EVC: variants seen among roughly 807,000 people sequenced by gnomAD.
EVC encodes evC complex member EVC.
Under a neutral mutation model 118.9 loss-of-function variants are expected in EVC, and 116 were observed. The observed-to-expected ratio is 0.98, with a 90% CI of 0.84 to 1.14. EVC has a LOEUF of 1.14. EVC is among the 50% of genes most tolerant of loss of function. EVC has a pLI of 0.00. For missense variants in EVC, 1,401 were observed against 1,246.4 expected (o/e 1.12, Z -1.87); for synonymous variants, 619 against 534.7 (o/e 1.16, Z -2.18).
chr4:5,809,653 G>A (rs1560448078), intron 19 of EVC, 42 bp downstream of exon 19: 2 of 1,556,630 alleles, frequency 1.3e-6, no homozygotes, highest in Middle Eastern at 1.7e-4. Flanking sequence ...AGCACTCTGG[G>A]CTGAGAGATA....
intron 12 of EVC, 59 bp downstream of exon 12, chr4:5,783,823 C>T (rs1736018833): frequency 4.1e-6 from 6 of 1,472,550 alleles, no homozygotes; most frequent in East Asian, 2.5e-5. Context: ...CACGAAGAAG[C>T]GTGAGAGATC....
chr4:5,804,685 A>G (rs1560438744), intron 16 of EVC, 45 bp from the exon 17 acceptor site: 2 of 1,573,712 alleles, frequency 1.3e-6, no homozygotes, highest in South Asian at 2.2e-5. Flanking sequence ...GGCACAGTGG[A>G]TCCTCCAAAC....
intron 8 of EVC, among the ~76,000 whole-genome samples, chr4:5,748,847 T>C (rs1312934532): frequency 3.4e-5 from 3 of 88,082 alleles, no homozygotes; most frequent in African/African-American, 8.8e-5. Flanking sequence ...TCAGTATTAC[T>C]GGAGCATAGA....
At chr4:5,817,135 T>C (rs1717833426), downstream of EVC, among the ~76,000 whole-genome samples, 1 of 152,186 alleles carries the variant, frequency 6.6e-6, no homozygotes, top group African/African-American at 2.4e-5. Flanking sequence ...CAAGTGAACG[T>C]TGGGATACGG....
chr4:5,825,643 C>T, the EVC span: 1 of 1,612,024 alleles, frequency 6.2e-7, no homozygotes, highest in Non-Finnish European at 8.5e-7. The surrounding 1 kb of genome is among the most constrained non-coding windows in gnomAD (Gnocchi z 4.4). Context: ...CCTGGAAACC[C>T]CTTGCAATCC....
At chr4:5,808,140 T>G in intron 17 of EVC, 61 bp from the exon 18 acceptor site, 1 of 239,928 alleles carries the variant, frequency 4.2e-6, no homozygotes. Flanking sequence ...TCTCCCTCCC[T>G]CCCTCCCTCC....
rs918822802 is a variant in EVC, at chr4:5,746,476, C to A, written c.939+1135C>A. Among the ~76,000 whole-genome samples the A allele has an allele frequency of 6.6e-6, 1 of 152,186 alleles. No individual in the cohort carries two copies. Among genetic ancestry groups the A allele is most frequent in the Non-Finnish European group, 1.5e-5 (1 of 68,032 alleles). ...GCTCATGGGAGGGAGGGAGCCAATG[C>A]TCCTGTCCTCTGAATAGGTCCAATA... On this transcript the variant is annotated intron_variant, in intron 7 of 20. Transcript: ENST00000264956. The surrounding 1 kb of genome is among the most constrained non-coding windows in gnomAD (Gnocchi z 5.8).
At chr4:5,711,666 TC>T (rs1276727256) in intron 1 of EVC, 112 bp downstream of exon 1, 1 of 897,740 alleles carries the variant, frequency 1.1e-6, no homozygotes, top group Admixed American at 5.8e-5. Flanking sequence ...GTTGGGAACT[TC>T]GCACGCAACC....
chr4:5,801,521 A>T (rs550093855), intron 15 of EVC, among the ~76,000 whole-genome samples: 3 of 152,268 alleles, frequency 2.0e-5, no homozygotes, highest in Admixed American at 2.0e-4. Flanking sequence ...TCTACTAAAA[A>T]TACAAAAAAT....
At chr4:5,771,206 G>A (rs565987239) in intron 11 of EVC, among the ~76,000 whole-genome samples, 48 of 152,054 alleles carry the variant, frequency 3.2e-4, no homozygotes, top group African/African-American at 1.2e-3. Context: ...TTAAAATGAA[G>A]GTGTCAGCAG....
chr4:5,760,503 AC>A (rs1427811621), intron 11 of EVC, among the ~76,000 whole-genome samples: 1 of 152,086 alleles, frequency 6.6e-6, no homozygotes, highest in Non-Finnish European at 1.5e-5. Flanking sequence ...GTCGAGGGAC[AC>A]AGTGGAGATG....
In EVC at chr4:5,743,681, C is replaced by T. The variant is rs1728949985; in HGVS notation, c.802-1523C>T. Among the ~76,000 whole-genome samples the T allele has an allele frequency of 6.6e-6, 1 of 152,148 alleles. No homozygotes were observed. The highest frequency in any genetic ancestry group is 2.1e-4 in the South Asian group (1 of 4,826). On this transcript the variant is annotated intron_variant, in intron 6 of 20. Coordinates refer to ENST00000264956, the MANE Select transcript of EVC (RefSeq NM_153717.3). This position sits in a 1 kb window ranked among gnomAD's most constrained non-coding sequence, Gnocchi z 4.7. ...TGAGGAAGGATGACTCACTGCATCC[C>T]AGGAAGGAGGAAGGACATCATCATC...
intron 8 of EVC, 116 bp from the exon 9 acceptor site, chr4:5,752,720 C>T (rs1305547585): frequency 2.8e-6 from 3 of 1,058,182 alleles, no homozygotes; most frequent in Non-Finnish European, 4.4e-6. Flanking sequence ...GAGCTCCGCT[C>T]TCCCAGGCAG....
In EVC at chr4:5,797,086, C is replaced by T. The variant is rs1295814362; in HGVS notation, c.1951C>T (p.Leu651Phe). ...LLRSALRRLA[L>F]RGNALATLTQ... Reference sequence around the variant, plus strand: ...GCGCTCAGCCCTCCGGAGGCTGGCACTCCGCGGCAACGCCCTGGCCACCCT... The same window carrying T: ...GCGCTCAGCCCTCCGGAGGCTGGCATTCCGCGGCAACGCCCTGGCCACCCT... The change falls in exon 14 of 21, where the codon CTC (leucine) becomes TTC (phenylalanine). Residue 651 changes from leucine to phenylalanine, a missense_variant. Coordinates refer to ENST00000264956, the MANE Select transcript of EVC (RefSeq NM_153717.3). 2 of 1,613,408 alleles carry T rather than the reference C, an allele frequency of 1.2e-6. No individual in the cohort carries two copies. Among genetic ancestry groups the T allele is most frequent in the African/African-American group, 1.3e-5 (1 of 74,958 alleles).
chr4:5,792,195 C>T (rs1340371244), intron 12 of EVC, among the ~76,000 whole-genome samples: 3 of 152,136 alleles, frequency 2.0e-5, no homozygotes, highest in Admixed American at 2.0e-4. Context: ...TCCCATTAGT[C>T]ACAATAAATA....
downstream of EVC, among the ~76,000 whole-genome samples, chr4:5,815,645 T>G (rs1180229421): frequency 2.0e-5 from 3 of 152,174 alleles, no homozygotes; most frequent in Non-Finnish European, 2.9e-5. Context: ...TCCCTTGTGC[T>G]GTCCCCCAGA....
chr4:5,790,179 T>TA (rs1712495684), intron 12 of EVC, among the ~76,000 whole-genome samples: 1 of 25,464 alleles, frequency 3.9e-5, no homozygotes. Flanking sequence ...AGACTCCATC[T>TA]CAAAAAAAAA....
Position 5,793,696 on chromosome 4 carries a change from G to A in EVC, c.1865G>A (p.Arg622Gln), listed in dbSNP as rs767013073. 5.8e-5 allele frequency: 90 copies of A among 1,550,652 alleles called. No individual in the cohort carries two copies. Among genetic ancestry groups the A allele is most frequent in the African/African-American group, 1.2e-4 (9 of 73,144 alleles). The change falls in exon 13 of 21, where the codon CGA becomes CAA. Residue 622 changes from arginine (R) to glutamine (Q), a missense_variant. By Grantham distance (43) the Arg-to-Gln change is conservative (BLOSUM62 1). Transcript: ENST00000264956. ...GGCACCATCCGCGGCGTCTTGGGCC[G>A]ACTGGGCGGCCTCACTGAAGAGTGA... ...HEGTIRGVLG[R>Q]LGGLTEESTR... is the part of the protein sequence containing the mutation.
intron 12 of EVC, among the ~76,000 whole-genome samples, chr4:5,788,531 G>T (rs1313557117): frequency 6.6e-6 from 1 of 152,176 alleles, no homozygotes; most frequent in Non-Finnish European, 1.5e-5. Flanking sequence ...AACAGCCGTT[G>T]CTCTTCCTGC....
Sources: allele counts gnomAD v4.1 joint callset (sites outside exome capture counted in the v4.1 genomes callset), GRCh38; gene constraint gnomAD v4.1.1; non-coding constraint Gnocchi (gnomAD v3.1); transcripts MANE v1.5; gene names NCBI Gene and HGNC (gene_info 2026-07-23, HGNC 2026-07-21).